IQSEC3: variants seen among roughly 807,000 people sequenced by gnomAD.
IQSEC3 encodes IQ motif and Sec7 domain ArfGEF 3.
Under a neutral mutation model 105.4 loss-of-function variants are expected in IQSEC3, and 50 were observed. The observed-to-expected ratio is 0.47, with a 90% CI of 0.38 to 0.60. The LOEUF (loss-of-function observed/expected upper bound fraction) is 0.60, where lower values mean the gene tolerates loss of function less well. IQSEC3 is among the 20% of genes least tolerant of loss of function. The probability of loss-of-function intolerance (pLI) is 0.00; values close to 1 mark genes in which losing one functional copy is unlikely to be tolerated. For synonymous variants in IQSEC3, 708 were observed against 746.0 expected (o/e 0.95, Z 0.83); for missense variants, 1,415 against 1,630.0 (o/e 0.87, Z 2.27).
chr12:121,002 G>A (rs1339824087), intron 2 of IQSEC3, among the ~76,000 whole-genome samples: 4 of 152,156 alleles, frequency 2.6e-5, no homozygotes, highest in East Asian at 1.9e-4. Flanking sequence ...ACTGCCACTC[G>A]GAATGTTTCT....
intron 2 of IQSEC3, among the ~76,000 whole-genome samples, chr12:114,978 T>C (rs934125230): frequency 6.6e-6 from 1 of 152,230 alleles, no homozygotes; most frequent in Admixed American, 6.5e-5. Context: ...CGGGAAACAG[T>C]GTGGCCAATC....
intron 1 of IQSEC3, among the ~76,000 whole-genome samples, chr12:72,452 A>G (rs2136861649): frequency 1.4e-5 from 2 of 141,526 alleles, no homozygotes; most frequent in African/African-American, 5.1e-5. Flanking sequence ...GGAAGCCTGA[A>G]CATTTTTTTT....
chr12:150,545 C>T (rs1555092348), intron 5 of IQSEC3, among the ~76,000 whole-genome samples: 2 of 152,062 alleles, frequency 1.3e-5, no homozygotes, highest in Non-Finnish European at 2.9e-5. Context: ...AAGAGTCCAC[C>T]TGGGGAGGGA....
intron 2 of IQSEC3, among the ~76,000 whole-genome samples, chr12:110,943 T>C (rs1864862897): frequency 6.6e-6 from 1 of 152,174 alleles, no homozygotes; most frequent in Non-Finnish European, 1.5e-5. Flanking sequence ...GTTCTAATTC[T>C]TTCCTCTAGT....
At chr12:151,453 G>A (rs1866506354) in intron 5 of IQSEC3, among the ~76,000 whole-genome samples, 1 of 152,146 alleles carries the variant, frequency 6.6e-6, no homozygotes, top group African/African-American at 2.4e-5. Context: ...CATTCAGTTT[G>A]TTTCCACTGC....
chr12:174,698 C>G lies in IQSEC3; in HGVS notation c.3214C>G (p.Pro1072Ala). 6.3e-7 allele frequency: 1 copy of G among 1,593,642 alleles called. No homozygotes were observed. Among genetic ancestry groups the G allele is most frequent in the South Asian group, 1.1e-5 (1 of 89,960 alleles). ...VPPPDLQPSPPRQQTPPLPPP... is the reference protein window; with the variant it reads ...VPPPDLQPSPARQQTPPLPPP... ...GCCGCCAGACCTGCAGCCTAGCCCCCCGAGACAGCAGACCCCACCACTGCC... is the reference window on the plus strand; with the variant it reads ...GCCGCCAGACCTGCAGCCTAGCCCCGCGAGACAGCAGACCCCACCACTGCC... Residue 1072 changes from proline (P) to alanine (A), a missense_variant, in exon 14 of 14, where the codon CCG (proline) becomes GCG (alanine). By Grantham distance (27) the Pro-to-Ala change is conservative. Coordinates refer to ENST00000538872, the MANE Select transcript of IQSEC3 (RefSeq NM_001170738.2).
At chr12:161,402 G>C (rs903876344) in intron 7 of IQSEC3, among the ~76,000 whole-genome samples, 1 of 152,112 alleles carries the variant, frequency 6.6e-6, no homozygotes. Flanking sequence ...GGGTCTGCCT[G>C]CTCCCCCACT....
chr12:102,785 G>GC (rs1864470535), intron 2 of IQSEC3, among the ~76,000 whole-genome samples: 1 of 152,210 alleles, frequency 6.6e-6, no homozygotes, highest in Admixed American at 6.5e-5. Context: ...AAGCGTGGGT[G>GC]TCTGCAAAGG....
At chr12:104,657 C>A (rs1032250329) in intron 2 of IQSEC3, among the ~76,000 whole-genome samples, 2 of 152,238 alleles carry the variant, frequency 1.3e-5, no homozygotes, top group African/African-American at 4.8e-5. Flanking sequence ...CCGGGCCGCC[C>A]GCCCTGGTGG....
At chr12:68,364 C>A (rs1327726641) in intron 1 of IQSEC3, among the ~76,000 whole-genome samples, 11 of 152,380 alleles carry the variant, frequency 7.2e-5, no homozygotes, top group African/African-American at 2.2e-4. Context: ...CCAGCAACTG[C>A]AAACCCTTTT....
intron 1 of IQSEC3, among the ~76,000 whole-genome samples, chr12:82,985 A>C (rs1291286672): frequency 6.6e-6 from 1 of 152,264 alleles, no homozygotes; most frequent in African/African-American, 2.4e-5. Flanking sequence ...TGAGGCTCTC[A>C]GGAGGTTCTG....
intron 1 of IQSEC3, among the ~76,000 whole-genome samples, chr12:88,237 TCTC>T (rs1211723129): frequency 6.6e-6 from 1 of 152,198 alleles, no homozygotes; most frequent in African/African-American, 2.4e-5. Flanking sequence ...CCTTCTCCAT[TCTC>T]CTCTTAACCT....
At chr12:84,478 G>A (rs1565383637) in intron 1 of IQSEC3, among the ~76,000 whole-genome samples, 1 of 152,268 alleles carries the variant, frequency 6.6e-6, no homozygotes, top group African/African-American at 2.4e-5. Context: ...ATGTGTGTAT[G>A]TATGCATTTA....
At chr12:93,659 T>C (rs1864160509) in intron 1 of IQSEC3, among the ~76,000 whole-genome samples, 1 of 152,190 alleles carries the variant, frequency 6.6e-6, no homozygotes, top group African/African-American at 2.4e-5. Flanking sequence ...GGGCCTTTCT[T>C]GATGTGAATG....
At chr12:115,936 A>T (rs1272241954) in intron 2 of IQSEC3, among the ~76,000 whole-genome samples, 1 of 152,266 alleles carries the variant, frequency 6.6e-6, no homozygotes, top group Non-Finnish European at 1.5e-5. Context: ...ACCAAGAGCG[A>T]TAAGAAACTG....
intron 5 of IQSEC3, among the ~76,000 whole-genome samples, chr12:155,442 AGAG>A (rs1382574102): frequency 1.3e-5 from 2 of 152,200 alleles, no homozygotes; most frequent in South Asian, 2.1e-4. Context: ...CGAAAAGGAA[AGAG>A]GAGGAGAGAC....
chr12:69,218 C>T (rs1863212966), intron 1 of IQSEC3, among the ~76,000 whole-genome samples: 1 of 152,384 alleles, frequency 6.6e-6, no homozygotes, highest in South Asian at 2.1e-4. Context: ...ACTTTCTTTG[C>T]ATCTCTTCAG....
At chr12:76,245 C>G (rs1351891643) in intron 1 of IQSEC3, among the ~76,000 whole-genome samples, 1 of 152,224 alleles carries the variant, frequency 6.6e-6, no homozygotes, top group African/African-American at 2.4e-5. Context: ...GAGCTGGATT[C>G]CGGGGTCATG....
At chr12:174,562 G>A (rs1157419463) in intron 13 of IQSEC3, 37 bp from the exon 14 acceptor site, 3 of 1,501,122 alleles carry the variant, frequency 2.0e-6, no homozygotes, top group African/African-American at 2.8e-5. Context: ...AATTAGTCTT[G>A]TAACATTTCA....
Sources: allele counts gnomAD v4.1 joint callset (sites outside exome capture counted in the v4.1 genomes callset), GRCh38; gene constraint gnomAD v4.1.1; transcripts MANE v1.5; gene names NCBI Gene and HGNC (gene_info 2026-07-23, HGNC 2026-07-21).